The following FAF1 variants were observed in gnomAD, a reference collection of about 807,000 sequenced individuals.
FAF1 encodes Fas associated factor 1, also known as FAS-associated factor 1.
In FAF1, 25 loss-of-function variants were observed where a neutral mutation model predicts 92.5. The observed-to-expected ratio is 0.27, with a 90% confidence interval of 0.20 to 0.38. The LOEUF (loss-of-function observed/expected upper bound fraction) is 0.38. Among genes scored for constraint, FAF1 ranks in the 10% least tolerant of loss-of-function variants. FAF1 has a pLI of 1.00. For missense variants in FAF1, 636 were observed against 793.3 expected (o/e 0.80, Z 2.38); for synonymous variants, 234 against 273.2 (o/e 0.86, Z 1.42).
intron 1 of FAF1, among the ~76,000 whole-genome samples, chr1:50,882,511 A>G (rs1644620185): frequency 1.3e-5 from 2 of 152,084 alleles, no homozygotes; most frequent in Non-Finnish European, 2.9e-5. Context: ...CTGAGGCAGA[A>G]GAATGGCTTG....
At chr1:50,596,896 G>A (rs1651847630) in intron 8 of FAF1, among the ~76,000 whole-genome samples, 1 of 152,100 alleles carries the variant, frequency 6.6e-6, no homozygotes, top group Non-Finnish European at 1.5e-5. Flanking sequence ...TCTCACAATT[G>A]CAAGTATTAA....
intron 4 of FAF1, among the ~76,000 whole-genome samples, chr1:50,760,918 C>A (rs1660299071): frequency 6.6e-6 from 1 of 151,746 alleles, no homozygotes; most frequent in African/African-American, 2.4e-5. Flanking sequence ...TTGAAAGGAT[C>A]AACAAAATTG....
chr1:50,930,543 A>G (rs556010160), intron 1 of FAF1, among the ~76,000 whole-genome samples: 1 of 152,320 alleles, frequency 6.6e-6, no homozygotes, highest in Non-Finnish European at 1.5e-5. Context: ...AGGATTAATA[A>G]TAATGCAGGT....
intron 4 of FAF1, among the ~76,000 whole-genome samples, chr1:50,755,824 C>T (rs1660053413): frequency 6.6e-6 from 1 of 152,186 alleles, no homozygotes; most frequent in South Asian, 2.1e-4. Context: ...GAGCTTGTAC[C>T]CTCTGAAGCC....
chr1:50,450,380 C>T (rs1490931167), intron 18 of FAF1, among the ~76,000 whole-genome samples: 1 of 152,128 alleles, frequency 6.6e-6, no homozygotes. Flanking sequence ...GATTACATAG[C>T]TAGGAAAGAG....
At chr1:50,885,454 T>A (rs909256152) in intron 1 of FAF1, among the ~76,000 whole-genome samples, 1 of 152,144 alleles carries the variant, frequency 6.6e-6, no homozygotes, top group African/African-American at 2.4e-5. Context: ...CCTTTGTCTT[T>A]TCTTATAGTT....
intron 1 of FAF1, among the ~76,000 whole-genome samples, chr1:50,888,065 T>C (rs1271214579): frequency 6.6e-6 from 1 of 152,200 alleles, no homozygotes; most frequent in South Asian, 2.1e-4. Flanking sequence ...GAGCAGTGGT[T>C]TGTAGTTCTC....
At chr1:50,696,465 C>T (rs1175102126) in intron 7 of FAF1, among the ~76,000 whole-genome samples, 1 of 152,094 alleles carries the variant, frequency 6.6e-6, no homozygotes, top group African/African-American at 2.4e-5. Flanking sequence ...CAAACATTTG[C>T]CTTTGATTGT....
At chr1:50,739,066 A>G in intron 5 of FAF1, 112 bp from the exon 6 acceptor site, 5 of 675,878 alleles carry the variant, frequency 7.4e-6, no homozygotes, top group Non-Finnish European at 1.2e-5. Flanking sequence ...TTATCTTTTG[A>G]TAATTTCCTA....
rs191455587 is a variant in FAF1 at position 50,724,598 on chromosome 1, C to G, written c.551+14265G>C. 3.5e-3 allele frequency among the ~76,000 whole-genome samples: 537 copies of G among 152,274 alleles called. 2 individuals are homozygous for G. The highest frequency in any genetic ancestry group is 6.5e-3 in the Non-Finnish European group (441 of 68,020). On this transcript the variant is annotated intron_variant, in intron 6 of 18. Coordinates refer to ENST00000396153, the MANE Select transcript of FAF1 (RefSeq NM_007051.3). ...TCACAGGGAAGATAAAATTTCTGCC[C>G]ATGATGATTCTCCCCACAAGGGTAG...
At chr1:50,613,544 C>T (rs573838944) in intron 8 of FAF1, among the ~76,000 whole-genome samples, 1 of 151,998 alleles carries the variant, frequency 6.6e-6, no homozygotes, top group African/African-American at 2.4e-5. Flanking sequence ...GACATGATTG[C>T]TCTTAAATTT....
intron 17 of FAF1, among the ~76,000 whole-genome samples, chr1:50,478,074 T>C (rs1473713412): frequency 6.6e-6 from 1 of 152,138 alleles, no homozygotes; most frequent in Non-Finnish European, 1.5e-5. Context: ...AAACCATGAG[T>C]TGCTTGTAAG....
At chr1:50,697,838 GT>G (rs1657298733) in intron 7 of FAF1, among the ~76,000 whole-genome samples, 1 of 151,822 alleles carries the variant, frequency 6.6e-6, no homozygotes, top group African/African-American at 2.4e-5. Context: ...GGGTAATAAG[GT>G]ACTATACTAT....
intron 1 of FAF1, among the ~76,000 whole-genome samples, chr1:50,925,794 C>T (rs1289607097): frequency 6.6e-6 from 1 of 152,202 alleles, no homozygotes; most frequent in Non-Finnish European, 1.5e-5. Context: ...CCTATACATC[C>T]ATGTTTATTG....
chr1:50,537,187 T>C (rs558815530), intron 14 of FAF1, among the ~76,000 whole-genome samples: 2 of 152,142 alleles, frequency 1.3e-5, no homozygotes, highest in Non-Finnish European at 2.9e-5. Flanking sequence ...ATGGGTACTA[T>C]ATGGAGTACA....
chr1:50,593,751 T>A (rs932979250), intron 9 of FAF1, among the ~76,000 whole-genome samples: 1 of 152,096 alleles, frequency 6.6e-6, no homozygotes, highest in Non-Finnish European at 1.5e-5. Context: ...AAAACCAGAG[T>A]GGCAAATTAT....
intron 4 of FAF1, among the ~76,000 whole-genome samples, chr1:50,753,229 C>T (rs1223074058): frequency 6.6e-6 from 1 of 152,076 alleles, no homozygotes; most frequent in Non-Finnish European, 1.5e-5. Flanking sequence ...TATGACTGTG[C>T]CTTAGTTTGA....
At chr1:50,469,325 T>C (rs1378494861) in intron 18 of FAF1, 1 of 152,198 alleles carries the variant, frequency 6.6e-6, no homozygotes, top group African/African-American at 2.4e-5. Context: ...CCCCATCTGC[T>C]GAATGATATT....
intron 1 of FAF1, among the ~76,000 whole-genome samples, chr1:50,957,176 A>C (rs2124769204): frequency 6.6e-6 from 1 of 152,180 alleles, no homozygotes; most frequent in South Asian, 2.1e-4. Context: ...TCTATCAATA[A>C]CATTCTTTTA....
Sources: gnomAD v4.1 joint callset for allele counts (sites outside exome capture counted in the v4.1 genomes callset) on GRCh38, gnomAD v4.1.1 for gene constraint, MANE v1.5 for transcripts, NCBI Gene and HGNC (gene_info 2026-07-23, HGNC 2026-07-21) for gene names.